CAMK1D: variants seen among roughly 807,000 people sequenced by gnomAD.
CAMK1D encodes calcium/calmodulin-dependent protein kinase type 1D.
In CAMK1D, 9 loss-of-function variants were observed where a neutral mutation model predicts 47.7. The ratio of observed to expected loss-of-function variants is 0.19; its 90% CI spans 0.11 to 0.33. CAMK1D has a LOEUF of 0.33. Ranked by LOEUF, CAMK1D falls within the 10% of genes least tolerant of loss-of-function variation. The pLI is 1.00. For missense variants in CAMK1D, 291 were observed against 488.7 expected, an observed-to-expected ratio of 0.60 and a Z score of 3.81; for synonymous variants, 184 against 184.9, an observed-to-expected ratio of 0.99 and a Z score of 0.04.
At chr10:12,509,242 C>A (rs1387281587) in intron 1 of CAMK1D, among the ~76,000 whole-genome samples, 1 of 152,204 alleles carries the variant, frequency 6.6e-6, no homozygotes, top group Non-Finnish European at 1.5e-5. Flanking sequence ...CTACCCTGCT[C>A]CAGGCTTCTA....
intron 10 of CAMK1D, among the ~76,000 whole-genome samples, chr10:12,828,389 C>T (rs1317915653): frequency 6.6e-6 from 1 of 152,138 alleles, no homozygotes; most frequent in African/African-American, 2.4e-5. Context: ...ACCCGTAATC[C>T]CAGCACTTTG....
intron 2 of CAMK1D, among the ~76,000 whole-genome samples, chr10:12,601,620 C>T (rs1407448126): frequency 5.3e-5 from 8 of 152,156 alleles, no homozygotes; most frequent in Non-Finnish European, 8.8e-5. Flanking sequence ...CCCGCCACCA[C>T]GTCTGGCTGG....
intron 2 of CAMK1D, among the ~76,000 whole-genome samples, chr10:12,639,979 A>G (rs896980268): frequency 1.3e-5 from 2 of 152,244 alleles, no homozygotes; most frequent in Non-Finnish European, 2.9e-5. Flanking sequence ...TAGCACCAGC[A>G]TCTCACATTC....
intron 6 of CAMK1D, among the ~76,000 whole-genome samples, chr10:12,798,428 C>T (rs1838285552): frequency 6.6e-6 from 1 of 152,168 alleles, no homozygotes; most frequent in African/African-American, 2.4e-5. Flanking sequence ...AGATAAATTA[C>T]AATCTAGTCT....
At chr10:12,401,237 TTTATATATATATA>T (rs1208168606) in intron 1 of CAMK1D, among the ~76,000 whole-genome samples, 1 of 37,516 alleles carries the variant, frequency 2.7e-5, no homozygotes, top group African/African-American at 1.1e-4. Context: ...ATATATATAT[TTTATATATATATA>T]ATATATGTAT....
intron 1 of CAMK1D, among the ~76,000 whole-genome samples, chr10:12,499,214 T>G (rs556168667): frequency 7.2e-5 from 11 of 152,222 alleles, no homozygotes; most frequent in African/African-American, 2.2e-4. Context: ...CCTATGTGGT[T>G]TTTTTCTTAC....
intron 2 of CAMK1D, among the ~76,000 whole-genome samples, chr10:12,584,407 AT>A (rs1463054346): frequency 6.6e-6 from 1 of 152,200 alleles, no homozygotes. Context: ...GTCATAGCAT[AT>A]TCTACTTGTT....
chr10:12,597,662 C>T (rs1215648961), intron 2 of CAMK1D, among the ~76,000 whole-genome samples: 2 of 152,150 alleles, frequency 1.3e-5, no homozygotes, highest in Non-Finnish European at 2.9e-5. Context: ...GGATTGTAGC[C>T]TTCCTGACTT....
At chr10:12,773,751 A>G (rs1044432012) in intron 5 of CAMK1D, among the ~76,000 whole-genome samples, 13 of 152,106 alleles carry the variant, frequency 8.5e-5, no homozygotes, top group African/African-American at 2.9e-4. Flanking sequence ...AAAATTAGCC[A>G]GGCAAGGTGG....
intron 2 of CAMK1D, among the ~76,000 whole-genome samples, chr10:12,622,421 G>A (rs1839026913): frequency 6.6e-6 from 1 of 151,928 alleles, no homozygotes; most frequent in Non-Finnish European, 1.5e-5. Flanking sequence ...GATACGGGAG[G>A]CAGAAAGTAA....
chr10:12,660,431 G>C (rs556751067), intron 2 of CAMK1D, among the ~76,000 whole-genome samples: 1 of 152,104 alleles, frequency 6.6e-6, no homozygotes, highest in African/African-American at 2.4e-5. Flanking sequence ...CAAAGCTTGG[G>C]GGCTTTGTAA....
intron 1 of CAMK1D, among the ~76,000 whole-genome samples, chr10:12,352,979 C>T (rs912809189): frequency 3.9e-5 from 6 of 152,016 alleles, no homozygotes; most frequent in South Asian, 2.1e-4. Flanking sequence ...CCTCATGATC[C>T]GCCTGCCTCG....
chr10:12,533,280 G>A (rs937179252), intron 1 of CAMK1D, among the ~76,000 whole-genome samples: 2 of 152,110 alleles, frequency 1.3e-5, no homozygotes. Flanking sequence ...TATTGGCAGT[G>A]GTTGGTGTTT....
At chr10:12,687,798 A>T (rs1369126784) in intron 3 of CAMK1D, among the ~76,000 whole-genome samples, 1 of 152,084 alleles carries the variant, frequency 6.6e-6, no homozygotes, top group Non-Finnish European at 1.5e-5. Flanking sequence ...AGTGTCAGGA[A>T]TTTTCCTCCC....
chr10:12,546,489 G>C (rs796184079), intron 1 of CAMK1D, among the ~76,000 whole-genome samples: 9 of 152,150 alleles, frequency 5.9e-5, no homozygotes, highest in African/African-American at 2.2e-4. Flanking sequence ...AGTCTGGGAA[G>C]GGCCTTTGTG....
intron 1 of CAMK1D, among the ~76,000 whole-genome samples, chr10:12,401,640 A>T (rs1375653955): frequency 2.0e-5 from 3 of 151,626 alleles, no homozygotes; most frequent in Non-Finnish European, 4.4e-5. Context: ...AGGGTGCCTC[A>T]GTTTGTCTGG....
chr10:12,486,980 G>A (rs1834238078), intron 1 of CAMK1D, among the ~76,000 whole-genome samples: 1 of 151,986 alleles, frequency 6.6e-6, no homozygotes, highest in South Asian at 2.1e-4. Context: ...AAACAAAACT[G>A]GGCAAAAGGA....
chr10:12,487,022 C>T (rs947548438), intron 1 of CAMK1D, among the ~76,000 whole-genome samples: 7 of 152,074 alleles, frequency 4.6e-5, no homozygotes, highest in African/African-American at 1.4e-4. Flanking sequence ...AGAAAAAAAA[C>T]ACCTTTTATT....
chr10:12,473,781 A>G (rs1833819340), intron 1 of CAMK1D, among the ~76,000 whole-genome samples: 1 of 152,176 alleles, frequency 6.6e-6, no homozygotes, highest in African/African-American at 2.4e-5. Context: ...GGTGTTAAGT[A>G]ACAGGGAAAA....
Sources: gnomAD v4.1 joint callset for allele counts (sites outside exome capture counted in the v4.1 genomes callset) on GRCh38, gnomAD v4.1.1 for gene constraint, MANE v1.5 for transcripts, NCBI Gene and HGNC (gene_info 2026-07-23, HGNC 2026-07-21) for gene names.